KLHL8: variants seen among roughly 807,000 people sequenced by gnomAD.
The protein encoded by KLHL8 is kelch like family member 8, also known as kelch-like protein 8.
In KLHL8, 38 loss-of-function variants were observed where a neutral mutation model predicts 63.5. That is an observed-to-expected ratio of 0.60 (90% CI 0.46 to 0.78). KLHL8 has a LOEUF of 0.78. Among genes scored for constraint, KLHL8 ranks in the 30% least tolerant of loss-of-function variants. The pLI is 0.00. For missense variants in KLHL8, 566 were observed against 752.4 expected (o/e 0.75, Z 2.90); for synonymous variants, 224 against 254.3 (o/e 0.88, Z 1.13).
intron 8 of KLHL8, among the ~76,000 whole-genome samples, chr4:87,169,862 C>A (rs1364702877): frequency 2.2e-5 from 1 of 45,260 alleles, no homozygotes; most frequent in East Asian, 8.3e-4. Context: ...GACACTGTCT[C>A]CCTCTGAAAA....
intron 6 of KLHL8, among the ~76,000 whole-genome samples, chr4:87,174,820 A>C (rs1211203285): frequency 6.6e-6 from 1 of 152,192 alleles, no homozygotes; most frequent in African/African-American, 2.4e-5. Context: ...AATATATGTG[A>C]TCTTTCTGAC....
intron 1 of KLHL8, among the ~76,000 whole-genome samples, chr4:87,203,519 ACT>A (rs928439838): frequency 3.4e-5 from 5 of 148,490 alleles, no homozygotes; most frequent in South Asian, 2.1e-4. Context: ...ACAGAGCAAG[ACT>A]CTGTCTCACA....
chr4:87,238,204 G>C (rs1032808714), intron 1 of KLHL8, among the ~76,000 whole-genome samples: 3 of 152,118 alleles, frequency 2.0e-5, no homozygotes, highest in Non-Finnish European at 4.4e-5. Context: ...AAAGTCCTGG[G>C]ATTACAGGCG....
chr4:87,227,825 G>A (rs1733062139), intron 1 of KLHL8, among the ~76,000 whole-genome samples: 1 of 152,128 alleles, frequency 6.6e-6, no homozygotes, highest in Non-Finnish European at 1.5e-5. Flanking sequence ...AGGGCTTTTG[G>A]TTTTATATAG....
intron 1 of KLHL8, chr4:87,206,999 G>A (rs1476252500): frequency 6.6e-6 from 2 of 302,808 alleles, no homozygotes; most frequent in Admixed American, 4.4e-5. Context: ...TTCCCCCAAT[G>A]AAAAAAACTG....
At chr4:87,198,051 G>T (rs987346972) in intron 1 of KLHL8, among the ~76,000 whole-genome samples, 4 of 151,496 alleles carry the variant, frequency 2.6e-5, no homozygotes, top group African/African-American at 9.7e-5. Flanking sequence ...CGGTGCAGTG[G>T]CTCATGCCTA....
chr4:87,186,281 C>T (rs1361444824), intron 2 of KLHL8, among the ~76,000 whole-genome samples: 2 of 151,980 alleles, frequency 1.3e-5, no homozygotes, highest in African/African-American at 2.4e-5. Flanking sequence ...CTCCTGGCCT[C>T]AACTGATTCA....
At chr4:87,191,391 G>T (rs1731481413) in intron 2 of KLHL8, among the ~76,000 whole-genome samples, 1 of 152,252 alleles carries the variant, frequency 6.6e-6, no homozygotes, top group East Asian at 1.9e-4. Flanking sequence ...GGGTCCAGGA[G>T]GTGGAGGTTG....
intron 1 of KLHL8, among the ~76,000 whole-genome samples, chr4:87,228,383 C>G (rs1227159557): frequency 1.3e-5 from 2 of 152,162 alleles, no homozygotes; most frequent in African/African-American, 4.8e-5. Flanking sequence ...GAAGCAAAGA[C>G]AGTTTTCTCA....
intron 2 of KLHL8, 72 bp downstream of exon 2, chr4:87,195,252 T>C (rs1226474823): frequency 2.4e-6 from 3 of 1,256,678 alleles, no homozygotes; most frequent in South Asian, 2.8e-5. Flanking sequence ...TTGCCTTGTA[T>C]GGTTACAGAA....
chr4:87,206,930 C>T (rs1295609383), intron 1 of KLHL8, among the ~76,000 whole-genome samples: 2 of 152,032 alleles, frequency 1.3e-5, no homozygotes, highest in South Asian at 2.1e-4. Context: ...ATGTATTTGC[C>T]GACAATGAGC....
At chr4:87,189,027 A>C (rs1731369080) in intron 2 of KLHL8, among the ~76,000 whole-genome samples, 2 of 152,240 alleles carry the variant, frequency 1.3e-5, no homozygotes, top group Admixed American at 1.3e-4. Context: ...AGAATTGGGC[A>C]GTCCTGGAAC....
intron 6 of KLHL8, among the ~76,000 whole-genome samples, chr4:87,171,655 C>T (rs1215307016): frequency 6.6e-6 from 1 of 152,128 alleles, no homozygotes; most frequent in Non-Finnish European, 1.5e-5. Flanking sequence ...TTGTCCCTCC[C>T]CTTAAAGGAC....
chr4:87,192,408 G>A (rs1448300830), intron 2 of KLHL8, among the ~76,000 whole-genome samples: 1 of 152,142 alleles, frequency 6.6e-6, no homozygotes, highest in African/African-American at 2.4e-5. Context: ...CCACTTGTGG[G>A]TCTTCTTTTG....
Position 87,185,265 on chromosome 4 carries a change from C to T in KLHL8, c.751G>A (p.Glu251Lys), listed in dbSNP as rs1731204918. 3.7e-6 allele frequency: 6 copies of T among 1,611,126 alleles called. No individual in the cohort carries two copies. Among genetic ancestry groups the T allele is most frequent in the Non-Finnish European group, 5.1e-6 (6 of 1,178,110 alleles). Residue 251 changes from glutamate (E) to lysine (K), a missense_variant, in exon 3 of 10, where the codon GAA becomes AAA. Physicochemically the swap from Glu to Lys is moderately conservative, Grantham distance 56. Transcript: ENST00000273963. The part of the protein sequence containing the change: ...NPQHHSKWLD[E>K]TLAQVRLPLL... ...TCAGCTCCTACCTGTGCAAGTGTTT[C>T]ATCCAACCATTTGGAATGATGCTGA...
intron 1 of KLHL8, chr4:87,207,914 C>A (rs989503050): frequency 9.0e-6 from 12 of 1,328,334 alleles, no homozygotes; most frequent in African/African-American, 7.2e-5. Context: ...CTGGGCTACA[C>A]TGAGCACCAG....
At position 87,161,112 on chromosome 4, in the gene KLHL8, C is replaced by T. The variant is rs1346387029; in HGVS notation, c.*2407G>A. The T allele has an allele frequency of 6.9e-6, 1 of 144,256 alleles. No individual in the cohort carries two copies. The highest frequency in any genetic ancestry group is 2.6e-5 in the African/African-American group (1 of 38,574). 8.9% of individuals were successfully genotyped at this position (144,256 alleles called of 1,614,324 possible). On this transcript the variant is annotated 3_prime_UTR_variant, in exon 10 of 10. Coordinates refer to ENST00000273963, the MANE Select transcript of KLHL8 (RefSeq NM_020803.5). ...CCGCTGGAGTGCGATGGCTCAACCT[C>T]GGCTCATTGCAACCTCCACCTCCTG...
intron 1 of KLHL8, among the ~76,000 whole-genome samples, chr4:87,217,421 C>T (rs944690597): frequency 1.3e-5 from 2 of 151,984 alleles, no homozygotes; most frequent in African/African-American, 2.4e-5. Flanking sequence ...GCAGCCTTGA[C>T]CTCCCTGGAC....
intron 1 of KLHL8, among the ~76,000 whole-genome samples, chr4:87,213,549 G>A (rs1230220225): frequency 6.6e-6 from 1 of 152,124 alleles, no homozygotes; most frequent in Non-Finnish European, 1.5e-5. Context: ...TCAGGGATTG[G>A]CAGACTTTCA....
Sources: gnomAD v4.1 joint callset for allele counts (sites outside exome capture counted in the v4.1 genomes callset) on GRCh38, gnomAD v4.1.1 for gene constraint, MANE v1.5 for transcripts, NCBI Gene and HGNC (gene_info 2026-07-23, HGNC 2026-07-21) for gene names.